The following ATL3 variants were observed in gnomAD, a reference collection of about 807,000 sequenced individuals.
ATL3 encodes the protein atlastin GTPase 3, also known as atlastin-3.
Under a neutral mutation model 69.5 loss-of-function variants are expected in ATL3, and 49 were observed. The ratio of observed to expected loss-of-function variants is 0.71; its 90% CI spans 0.56 to 0.89. ATL3 has a LOEUF of 0.89. Ranked by LOEUF, ATL3 falls within the 40% of genes least tolerant of loss-of-function variation. The pLI is 0.00. For synonymous variants in ATL3, 214 were observed against 224.1 expected, an observed-to-expected ratio of 0.95 and a Z score of 0.40; for missense variants, 606 against 645.7, an observed-to-expected ratio of 0.94 and a Z score of 0.67.
intron 6 of ATL3, among the ~76,000 whole-genome samples, chr11:63,645,498 A>G (rs1939841525): frequency 6.6e-6 from 1 of 152,186 alleles, no homozygotes; most frequent in African/African-American, 2.4e-5. Context: ...CCTCATTCTC[A>G]AGAAACACTG....
intron 1 of ATL3, among the ~76,000 whole-genome samples, chr11:63,661,806 T>A (rs1940428586): frequency 6.6e-6 from 1 of 151,510 alleles, no homozygotes; most frequent in Admixed American, 6.6e-5. Flanking sequence ...GGAGAATCGC[T>A]TGAACCCAGT....
chr11:63,655,494 C>A (rs572769874), intron 3 of ATL3, among the ~76,000 whole-genome samples: 51 of 147,784 alleles, frequency 3.5e-4, no homozygotes, highest in Non-Finnish European at 5.5e-4. Context: ...GTTGCCCAGG[C>A]GGAAGTGCAA....
chr11:63,641,492 A>G (rs1436731369), intron 8 of ATL3, among the ~76,000 whole-genome samples: 1 of 152,196 alleles, frequency 6.6e-6, no homozygotes, highest in East Asian at 1.9e-4. Context: ...CTCACAAGAA[A>G]AAGACAGAAC....
In ATL3 at chr11:63,626,553, T is replaced by C. The variant is rs1939119298; in HGVS notation, c.*2766A>G. The C allele has an allele frequency of 6.6e-6, 1 of 152,222 alleles. No homozygotes were observed. The highest frequency in any genetic ancestry group is 1.5e-5 in the Non-Finnish European group (1 of 68,044). 9.4% of individuals were successfully genotyped at this position (152,222 alleles called of 1,614,324 possible). A position where few individuals can be genotyped will look rare whatever the true frequency, so the allele number is the denominator to read the frequency against. On this transcript the variant is annotated 3_prime_UTR_variant, in exon 13 of 13. Transcript: ENST00000398868. Reference sequence around the variant, plus strand: ...TCATTGAAATTATTTTTTCAAATTATCAACACTTAATTTATCCTGAAATAT... The same window carrying C: ...TCATTGAAATTATTTTTTCAAATTACCAACACTTAATTTATCCTGAAATAT...
At chr11:63,649,133 TA>T (rs1214598359) in intron 5 of ATL3, among the ~76,000 whole-genome samples, 1 of 151,804 alleles carries the variant, frequency 6.6e-6, no homozygotes, top group African/African-American at 2.4e-5. Flanking sequence ...TCAAAAAAAA[TA>T]AAAAAAGTAC....
chr11:63,631,364 A>C lies in ATL3; in HGVS notation c.1215T>G (p.Gly405=). 1.2e-6 allele frequency: 2 copies of C among 1,614,092 alleles called. No homozygotes were observed. The highest frequency in any genetic ancestry group is 1.7e-6 in the Non-Finnish European group (2 of 1,180,026). Residue 405 remains glycine (G), a synonymous_variant, in exon 12 of 13, where the codon GGT becomes GGG. Coordinates refer to ENST00000398868, the MANE Select transcript of ATL3 (RefSeq NM_015459.5). ...GGTAACGAAAGCTGAAATCCTTCCC[A>C]CCCATCTTCTTGGTCTTCTTAAAAT... ...LDHFKKTKKM[G]GKDFSFRYQQ... is the part of the protein sequence containing the mutation.
Position 63,639,177 on chromosome 11 carries a change from C to T in ATL3, c.851-2843G>A, listed in dbSNP as rs566052752. Among the ~76,000 whole-genome samples, 85 of 152,302 alleles carry T rather than the reference C, an allele frequency of 5.6e-4. 1 individual carries two copies. Among genetic ancestry groups the T allele is most frequent in the Non-Finnish European group, 3.4e-4 (23 of 68,024 alleles). ...ACTGTGTGTGGTTCTCAAGCTAGCA[C>T]TTGCCAAATACAAATCACCCGCTAT... On this transcript the variant is annotated intron_variant, in intron 8 of 12. Coordinates refer to ENST00000398868, the MANE Select transcript of ATL3 (RefSeq NM_015459.5).
chr11:63,647,270 C>T (rs1038307308), intron 5 of ATL3, among the ~76,000 whole-genome samples: 2 of 152,220 alleles, frequency 1.3e-5, no homozygotes, highest in South Asian at 4.1e-4. Flanking sequence ...CGTGGCTCAT[C>T]GCAACCTCCG....
intron 3 of ATL3, 35 bp from the exon 4 acceptor site, chr11:63,652,610 A>C: frequency 2.7e-6 from 4 of 1,482,410 alleles, no homozygotes; most frequent in Non-Finnish European, 3.7e-6. Context: ...AAAGAGATTA[A>C]ACTAAGAAGG....
chr11:63,652,617 A>G lies in ATL3; in HGVS notation c.406-42T>C, dbSNP rs147426863. 2,053 of 1,445,276 alleles carry G rather than the reference A, an allele frequency of 1.4e-3. 2 individuals carry two copies. The highest frequency in any genetic ancestry group is 1.9e-3 in the Non-Finnish European group (1,959 of 1,035,704). 89.5% of individuals were successfully genotyped at this position (1,445,276 alleles called of 1,614,324 possible). A position where few individuals can be genotyped will look rare whatever the true frequency, so the allele number is the denominator to read the frequency against. On this transcript the variant is annotated intron_variant, in intron 3 of 12. Transcript: ENST00000398868. ...TACAAACAAAAGAGATTAAACTAAG[A>G]AGGAGGAAACCGTAAAGGAGAAATT... is the stretch of plus-strand genomic sequence containing the variant.
At chr11:63,642,253 G>T (rs1939723138) in intron 8 of ATL3, among the ~76,000 whole-genome samples, 1 of 152,106 alleles carries the variant, frequency 6.6e-6, no homozygotes, top group Non-Finnish European at 1.5e-5. Context: ...TCCTCCTCAG[G>T]AAAGCTGTCA....
In ATL3 at chr11:63,629,222, A is replaced by G; in HGVS notation, c.*97T>C. 1.1e-6 allele frequency: 1 copy of G among 946,170 alleles called. No homozygotes were observed. Among genetic ancestry groups the G allele is most frequent in the Non-Finnish European group, 1.7e-6 (1 of 584,984 alleles). 58.6% of individuals were successfully genotyped at this position (946,170 alleles called of 1,614,324 possible). On this transcript the variant is annotated 3_prime_UTR_variant, in exon 13 of 13. Transcript: ENST00000398868. ...TTTAGCTCTTCCTGGATCGTCTCAG[A>G]TCTGCCATTCCTCTGGATATGAACC...
chr11:63,646,782 C>T (rs996007344), intron 5 of ATL3, among the ~76,000 whole-genome samples: 1 of 152,188 alleles, frequency 6.6e-6, no homozygotes, highest in Non-Finnish European at 1.5e-5. Context: ...TCACTATTTC[C>T]ATGTGGCTTG....
chr11:63,671,452 A>G (rs1940778918), upstream of ATL3: 2 of 1,486,554 alleles, frequency 1.3e-6, no homozygotes, highest in Non-Finnish European at 1.8e-6. Context: ...TCTAGAAAAA[A>G]CTAGCCAGAA....
chr11:63,629,342 A>G lies in ATL3; in HGVS notation c.1603T>C (p.Ser535Pro), dbSNP rs776316810. Residue 535 changes from serine (S) to proline (P), a missense_variant, in exon 13 of 13, where the codon TCC becomes CCC. Ser to Pro is a moderately conservative substitution (Grantham distance 74, BLOSUM62 -1). Coordinates refer to ENST00000398868, the MANE Select transcript of ATL3 (RefSeq NM_015459.5). ...TVRDAVVGRP[S>P]MDKKAQ The stretch of plus-strand genomic sequence containing the variant: ...TGCTATTGAGCTTTTTTATCCATGG[A>G]TGGTCTTCCAACAACTGCATCCCTC... 7 of 1,614,044 alleles carry G rather than the reference A, an allele frequency of 4.3e-6. No homozygotes were observed. In the South Asian group the frequency reaches 6.6e-5, roughly 15 times the overall value.
Position 63,643,485 on chromosome 11 carries a change from T to C in ATL3, c.722A>G (p.His241Arg), listed in dbSNP as rs773505500. Reference protein sequence around the residue: ...FLDKRLQVKEHQHEEIQNVRN... With the variant: ...FLDKRLQVKERQHEEIQNVRN... ...AACATTCTGAATTTCTTCATGTTGA[T>C]GTTCCTTCACCTGCCAATGAAGACC... The change falls in exon 8 of 13, where the codon CAT (histidine) becomes CGT (arginine). Residue 241 changes from histidine (H) to arginine (R), a missense_variant. His to Arg is a conservative substitution (Grantham distance 29). Coordinates refer to ENST00000398868, the MANE Select transcript of ATL3 (RefSeq NM_015459.5). The C allele has an allele frequency of 2.5e-6, 4 of 1,610,624 alleles. No homozygotes were observed. Among genetic ancestry groups the C allele is most frequent in the Non-Finnish European group, 3.4e-6 (4 of 1,178,672 alleles).
In ATL3 at chr11:63,654,786, T is replaced by A. The variant is rs144541002; in HGVS notation, c.406-2211A>T. 4.8e-4 allele frequency among the ~76,000 whole-genome samples: 70 copies of A among 145,596 alleles called. 1 individual carries two copies. The East Asian group carries it at 0.013, about 28-fold the overall frequency. On this transcript the variant is annotated intron_variant, in intron 3 of 12. Transcript: ENST00000398868. ...ACCTCGGCTCACCACAACCTCCACC[T>A]CCCAGGTTCAAGCGATTCTCCTGCC...
At position 63,625,671 on chromosome 11, in the gene ATL3, T is replaced by A. The variant is rs1252395716; in HGVS notation, c.*3648A>T. The A allele has an allele frequency of 6.6e-6, 1 of 152,206 alleles. No homozygotes were observed. Among genetic ancestry groups the A allele is most frequent in the Non-Finnish European group, 1.5e-5 (1 of 68,054 alleles). The allele number at this position is 152,206 out of a possible 1,614,324, so 9.4% of individuals were successfully genotyped here. A position where few individuals can be genotyped will look rare whatever the true frequency, so the allele number is the denominator to read the frequency against. ...TTTTGTGTGTTTGACCAAAGCGCTT[T>A]ACTTCATGTAAGAGAAAAAATAAAG... On this transcript the variant is annotated 3_prime_UTR_variant, in exon 13 of 13. Transcript: ENST00000398868.
At chr11:63,670,102 G>A (rs1281824032) in intron 1 of ATL3, among the ~76,000 whole-genome samples, 6 of 152,018 alleles carry the variant, frequency 3.9e-5, no homozygotes, top group African/African-American at 1.4e-4. Flanking sequence ...GCAAAACTCC[G>A]TCTCAAAAAA....
Sources: allele counts gnomAD v4.1 joint callset (sites outside exome capture counted in the v4.1 genomes callset), GRCh38; gene constraint gnomAD v4.1.1; transcripts MANE v1.5; gene names NCBI Gene and HGNC (gene_info 2026-07-23, HGNC 2026-07-21).